Variants in BLTP3A observed in about 807,000 individuals in gnomAD.
BLTP3A encodes ICBP90 binding protein 1.
the BLTP3A span, chr6:34,873,013 G>C: frequency 2.0e-5 from 3 of 152,198 alleles, no homozygotes. Context: ...TGCCTTTTTG[G>C]GAAAAGGAAC....
At chr6:34,826,597 A>G in the BLTP3A span, among the ~76,000 whole-genome samples, 4 of 152,142 alleles carry the variant, frequency 2.6e-5, no homozygotes, top group African/African-American at 9.7e-5. Context: ...GACTCAAGTG[A>G]TCTTTCCGAC....
chr6:34,864,927 C>T, the BLTP3A span, among the ~76,000 whole-genome samples: 1 of 151,980 alleles, frequency 6.6e-6, no homozygotes, highest in South Asian at 2.1e-4. Context: ...GAGATTGCGC[C>T]ACTGCATTCC....
the BLTP3A span, among the ~76,000 whole-genome samples, chr6:34,830,326 C>T: frequency 2.6e-4 from 39 of 151,970 alleles, no homozygotes; most frequent in African/African-American, 8.9e-4. Context: ...TGGTGACTCA[C>T]GCCTGTAATC....
the BLTP3A span, chr6:34,835,218 CTGAT>C: frequency 6.7e-7 from 1 of 1,498,152 alleles, no homozygotes; most frequent in Non-Finnish European, 9.1e-7. Flanking sequence ...GCTTCTGAAA[CTGAT>C]TGGGCAACAG....
chr6:34,814,940 T>C, the BLTP3A span, among the ~76,000 whole-genome samples: 1 of 152,172 alleles, frequency 6.6e-6, no homozygotes, highest in Non-Finnish European at 1.5e-5. Context: ...GGGGAACTTA[T>C]AATATTAAAA....
the BLTP3A span, among the ~76,000 whole-genome samples, chr6:34,866,425 G>T: frequency 6.7e-6 from 1 of 150,290 alleles, no homozygotes; most frequent in African/African-American, 2.4e-5. Context: ...AAAAAAAAAA[G>T]AACTCGTGGC....
the BLTP3A span, among the ~76,000 whole-genome samples, chr6:34,813,133 T>C: frequency 6.6e-6 from 1 of 152,242 alleles, no homozygotes; most frequent in Non-Finnish European, 1.5e-5. Flanking sequence ...CGACTGACTG[T>C]TGCAACTTAT....
chr6:34,821,563 C>A, the BLTP3A span: 6 of 1,279,538 alleles, frequency 4.7e-6, no homozygotes, highest in Admixed American at 2.7e-5. Context: ...TTAATTTTTT[C>A]TTTTCTCTAG....
At chr6:34,868,376 T>C in the BLTP3A span, among the ~76,000 whole-genome samples, 3 of 151,922 alleles carry the variant, frequency 2.0e-5, no homozygotes, top group African/African-American at 7.3e-5. Flanking sequence ...CCCAGCACGC[T>C]GGGAAGCTGA....
the BLTP3A span, chr6:34,867,289 A>G: frequency 4.0e-5 from 64 of 1,614,030 alleles, no homozygotes; most frequent in East Asian, 1.4e-3. Flanking sequence ...CTGGTGTTCA[A>G]GGGAGCCCTC....
the BLTP3A span, chr6:34,858,675 G>A: frequency 1.2e-5 from 19 of 1,614,022 alleles, no homozygotes; most frequent in East Asian, 8.9e-5. Flanking sequence ...TGTCCCATCC[G>A]CGGTCAAAGA....
the BLTP3A span, among the ~76,000 whole-genome samples, chr6:34,840,815 A>G: frequency 1.3e-5 from 2 of 151,388 alleles, no homozygotes; most frequent in African/African-American, 4.9e-5. Context: ...ATGCAGTTTC[A>G]CCGTATGAAC....
At chr6:34,796,673 G>A in the BLTP3A span, among the ~76,000 whole-genome samples, 2 of 152,196 alleles carry the variant, frequency 1.3e-5, no homozygotes, top group Non-Finnish European at 2.9e-5. Flanking sequence ...AGCATCTATC[G>A]TTAATGGAAG....
the BLTP3A span, chr6:34,834,683 T>C: frequency 3.6e-5 from 57 of 1,600,488 alleles, 1 homozygote; most frequent in South Asian, 5.9e-4. Flanking sequence ...GTTAATTTCA[T>C]TCACAGGATT....
chr6:34,835,223 T>C, the BLTP3A span: 5 of 1,521,224 alleles, frequency 3.3e-6, no homozygotes, highest in Admixed American at 7.6e-5. Context: ...TGAAACTGAT[T>C]GGGCAACAGT....
the BLTP3A span, chr6:34,873,637 C>T: frequency 3.3e-5 from 5 of 152,148 alleles, no homozygotes; most frequent in Non-Finnish European, 7.3e-5. Flanking sequence ...CCCTGTGATA[C>T]ACTTGAAGCT....
the BLTP3A span, among the ~76,000 whole-genome samples, chr6:34,854,542 A>G: frequency 1.3e-5 from 2 of 152,220 alleles, no homozygotes; most frequent in Non-Finnish European, 2.9e-5. Context: ...ATATATACAT[A>G]TAGTATGTTA....
At chr6:34,827,110 A>T in the BLTP3A span, among the ~76,000 whole-genome samples, 3 of 152,182 alleles carry the variant, frequency 2.0e-5, no homozygotes, top group Middle Eastern at 3.2e-3. Flanking sequence ...CAGGAGATCG[A>T]GACCAGCCTG....
chr6:34,864,187 T>A, the BLTP3A span: 1 of 1,613,598 alleles, frequency 6.2e-7, no homozygotes, highest in East Asian at 2.2e-5. Flanking sequence ...TTTGTGATGC[T>A]CTTGGAGTCT....
Sources: gnomAD v4.1 joint callset for allele counts (sites outside exome capture counted in the v4.1 genomes callset) on GRCh38, gnomAD v4.1.1 for gene constraint, MANE v1.5 for transcripts, NCBI Gene and HGNC (gene_info 2026-07-23, HGNC 2026-07-21) for gene names.